The following ADGRB3 variants were observed in gnomAD, a reference collection of about 807,000 sequenced individuals.
ADGRB3 encodes adhesion G protein-coupled receptor B3, also known as brain-specific angiogenesis inhibitor 3.
A neutral mutation model predicts 193.4 loss-of-function variants in ADGRB3; 37 were observed. That is an observed-to-expected ratio of 0.19 (90% confidence interval 0.15 to 0.25). The LOEUF is 0.25. Among genes scored for constraint, ADGRB3 ranks in the 10% least tolerant of loss-of-function variants. ADGRB3 has a pLI of 1.00. For synonymous variants in ADGRB3, 690 were observed against 644.2 expected (o/e 1.07, Z -1.08); for missense variants, 1,637 against 1,852.9 (o/e 0.88, Z 2.14).
intron 20 of ADGRB3, among the ~76,000 whole-genome samples, chr6:69,274,147 T>C (rs1421889316): frequency 1.3e-5 from 2 of 152,184 alleles, no homozygotes; most frequent in Admixed American, 6.5e-5. Flanking sequence ...ACCTATACAT[T>C]GAAGTGTTCT....
chr6:68,763,163 T>G (rs2127352119), intron 3 of ADGRB3, among the ~76,000 whole-genome samples: 1 of 136,446 alleles, frequency 7.3e-6, no homozygotes, highest in South Asian at 2.5e-4. Context: ...CGATCTTGGC[T>G]CATTGCAACC....
At chr6:68,660,237 TTATAA>T (rs1159172354) in intron 3 of ADGRB3, among the ~76,000 whole-genome samples, 1 of 149,712 alleles carries the variant, frequency 6.7e-6, no homozygotes, top group African/African-American at 2.4e-5. Context: ...ATTATATATT[TTATAA>T]TATATTTCAT....
At chr6:69,295,334 G>A (rs1767789624) in intron 20 of ADGRB3, among the ~76,000 whole-genome samples, 3 of 152,150 alleles carry the variant, frequency 2.0e-5, no homozygotes. Context: ...CTTAGGCTAG[G>A]ACTATGGCTG....
chr6:68,842,606 T>C (rs1266036125), intron 3 of ADGRB3, among the ~76,000 whole-genome samples: 1 of 151,934 alleles, frequency 6.6e-6, no homozygotes, highest in Admixed American at 6.6e-5. Flanking sequence ...GAAGTAATAT[T>C]GATCCTACTC....
chr6:69,196,494 C>G (rs1187943247), intron 17 of ADGRB3, among the ~76,000 whole-genome samples: 1 of 152,086 alleles, frequency 6.6e-6, no homozygotes, highest in Non-Finnish European at 1.5e-5. Context: ...AGATGGCTGC[C>G]TTCTTACTTT....
intron 3 of ADGRB3, among the ~76,000 whole-genome samples, chr6:68,658,424 G>A (rs1768541947): frequency 6.6e-6 from 1 of 151,184 alleles, no homozygotes; most frequent in Non-Finnish European, 1.5e-5. Flanking sequence ...AGTGGCCTCT[G>A]TCTGGTAATG....
intron 3 of ADGRB3, among the ~76,000 whole-genome samples, chr6:68,847,882 A>G (rs1266295117): frequency 2.6e-5 from 4 of 151,950 alleles, no homozygotes; most frequent in Admixed American, 2.6e-4. Flanking sequence ...GTTTTTTGAA[A>G]AGAAGGAAGG....
chr6:68,993,632 G>C (rs913714944), intron 10 of ADGRB3, 136 bp from the exon 11 acceptor site: 2 of 886,916 alleles, frequency 2.3e-6, no homozygotes, highest in Non-Finnish European at 3.5e-6. Flanking sequence ...ACAATTTACA[G>C]TTTTCAAATC....
chr6:68,655,262 C>G (rs969158405), intron 3 of ADGRB3, among the ~76,000 whole-genome samples: 2 of 151,550 alleles, frequency 1.3e-5, no homozygotes, highest in African/African-American at 4.8e-5. Flanking sequence ...GGCATTGACA[C>G]TTTTACACAC....
At chr6:68,778,347 T>A (rs966776652) in intron 3 of ADGRB3, among the ~76,000 whole-genome samples, 2 of 152,120 alleles carry the variant, frequency 1.3e-5, no homozygotes, top group African/African-American at 2.4e-5. Context: ...CAATTCTTTA[T>A]AGCTTGTTCA....
At chr6:68,969,417 A>G (rs1261695404) in intron 8 of ADGRB3, among the ~76,000 whole-genome samples, 8 of 152,180 alleles carry the variant, frequency 5.3e-5, no homozygotes, top group Non-Finnish European at 1.2e-4. Flanking sequence ...AGGAGAGTAA[A>G]TATGAGCCGT....
chr6:69,206,365 T>C (rs1765541507), intron 17 of ADGRB3, among the ~76,000 whole-genome samples: 2 of 151,976 alleles, frequency 1.3e-5, no homozygotes, highest in Non-Finnish European at 2.9e-5. Flanking sequence ...CTGACTCAAA[T>C]GTTAATCTCC....
At chr6:69,170,146 A>G (rs554000482) in intron 17 of ADGRB3, among the ~76,000 whole-genome samples, 2 of 152,240 alleles carry the variant, frequency 1.3e-5, no homozygotes, top group South Asian at 4.1e-4. Flanking sequence ...CTTCACTAGC[A>G]TTTTAGACTG....
chr6:68,888,070 A>G (rs989376945), intron 3 of ADGRB3, among the ~76,000 whole-genome samples: 3 of 152,156 alleles, frequency 2.0e-5, no homozygotes, highest in African/African-American at 7.2e-5. Context: ...ATAAAAACCT[A>G]TTCCTCTCAT....
rs1014662664 is a variant in ADGRB3, at chr6:68,970,452, G to A, written c.1526-4311G>A. Among the ~76,000 whole-genome samples, 3 of 151,754 alleles carry A rather than the reference G, an allele frequency of 2.0e-5. No homozygotes were observed. The South Asian group carries it at 6.3e-4, about 32-fold the overall frequency. On this transcript the variant is annotated intron_variant, in intron 8 of 31. Transcript: ENST00000370598. The stretch of plus-strand genomic sequence containing the variant: ...CTTCTGCTTCAGCACCTGTAGCAGG[G>A]ACTACAGGTGCACGCCACCACACCC...
intron 17 of ADGRB3, among the ~76,000 whole-genome samples, chr6:69,082,718 A>T (rs1772422608): frequency 1.3e-5 from 2 of 151,822 alleles, no homozygotes; most frequent in Admixed American, 6.6e-5. Flanking sequence ...GTTATTTTGT[A>T]ATCTGTGGCT....
In ADGRB3 at chr6:68,841,550, C is replaced by G. The variant is rs557638924; in HGVS notation, c.758-89009C>G. On this transcript the variant is annotated intron_variant, in intron 3 of 31. Transcript: ENST00000370598. ...AATTAAGAAGAGAATTTAAAAATCT[C>G]TTTAAACAAATGGTAATGGAAACAC... is the stretch of plus-strand genomic sequence containing the variant. Among the ~76,000 whole-genome samples, 28 of 152,210 alleles carry G rather than the reference C, an allele frequency of 1.8e-4. 1 individual carries two copies. In the Middle Eastern group the frequency reaches 0.01, roughly 55 times the overall value.
chr6:68,662,917 A>G (rs1768701763), intron 3 of ADGRB3, among the ~76,000 whole-genome samples: 1 of 150,658 alleles, frequency 6.6e-6, no homozygotes, highest in African/African-American at 2.4e-5. Context: ...CAGAATTGCT[A>G]TTATTTATAT....
At chr6:69,309,264 A>G (rs1253194218) in intron 20 of ADGRB3, among the ~76,000 whole-genome samples, 1 of 151,800 alleles carries the variant, frequency 6.6e-6, no homozygotes, top group Non-Finnish European at 1.5e-5. Context: ...CTGCGAGATA[A>G]GAATAAAAAT....
Sources: allele counts gnomAD v4.1 joint callset (sites outside exome capture counted in the v4.1 genomes callset), GRCh38; gene constraint gnomAD v4.1.1; transcripts MANE v1.5; gene names NCBI Gene and HGNC (gene_info 2026-07-23, HGNC 2026-07-21).